Variants in PAFAH1B1 observed in about 807,000 individuals in gnomAD.
PAFAH1B1 encodes the protein platelet activating factor acetylhydrolase 1b regulatory subunit 1, also known as platelet-activating factor acetylhydrolase IB subunit beta.
Under a neutral mutation model 57.5 loss-of-function variants are expected in PAFAH1B1, and 2 were observed. That is an observed-to-expected ratio of 0.03 (90% confidence interval 0.01 to 0.11). The LOEUF (loss-of-function observed/expected upper bound fraction) is 0.11. Among genes scored for constraint, PAFAH1B1 ranks in the 10% least tolerant of loss-of-function variants. PAFAH1B1 has a pLI of 1.00. For missense variants in PAFAH1B1, 257 were observed against 512.0 expected, an observed-to-expected ratio of 0.50 and a Z score of 4.81; for synonymous variants, 152 against 169.6, an observed-to-expected ratio of 0.90 and a Z score of 0.81.
In PAFAH1B1 at chr17:2,611,799, A is replaced by G. The variant is rs556151367; in HGVS notation, c.-191+17793A>G. On this transcript the variant is annotated intron_variant, in intron 1 of 10. Coordinates refer to ENST00000397195, the MANE Select transcript of PAFAH1B1 (RefSeq NM_000430.4). Reference sequence around the variant, plus strand: ...TTACCATGAGTTTGGTCGGGACACAATGAACAGTGTGTCAAGGGTTGAGGC... The same window carrying G: ...TTACCATGAGTTTGGTCGGGACACAGTGAACAGTGTGTCAAGGGTTGAGGC... Among the ~76,000 whole-genome samples the G allele has an allele frequency of 6.4e-4, 97 of 152,292 alleles. 1 individual carries two copies. Among genetic ancestry groups the G allele is most frequent in the African/African-American group, 2.2e-3 (91 of 41,560 alleles).
rs1206410658 is a variant in PAFAH1B1 at position 2,682,508 on chromosome 17, T to C, written c.*706T>C. On this transcript the variant is annotated 3_prime_UTR_variant, in exon 11 of 11. Coordinates refer to ENST00000397195, the MANE Select transcript of PAFAH1B1 (RefSeq NM_000430.4). ...CTCATTTATTTCATTTTGGTCTTAA[T>C]GCTTTGTAAACAGGTCAAAAAATAC... 2 of 152,812 alleles carry C rather than the reference T, an allele frequency of 1.3e-5. No individual in the cohort carries two copies. The highest frequency in any genetic ancestry group is 2.1e-4 in the South Asian group (1 of 4,830). 9.5% of individuals were successfully genotyped at this position (152,812 alleles called of 1,614,324 possible).
chr17:2,633,080 T>C (rs148575347), intron 1 of PAFAH1B1, among the ~76,000 whole-genome samples: 67 of 152,310 alleles, frequency 4.4e-4, no homozygotes, highest in African/African-American at 1.5e-3. Flanking sequence ...TTTTTGTTGT[T>C]TCACTAGGCT....
rs562400012 is a variant in PAFAH1B1 at position 2,671,559 on chromosome 17, T to C, written c.569-1096T>C. Among the ~76,000 whole-genome samples the C allele has an allele frequency of 1.4e-4, 21 of 148,442 alleles. 1 individual carries two copies. In the South Asian group the frequency reaches 4.4e-3, roughly 31 times the overall value. ...CTAGCTGTAACTTTAAAAAGAGTTCTTTCTAATGCATTTTTTTTTTTTACC... is the reference window on the plus strand; with the variant it reads ...CTAGCTGTAACTTTAAAAAGAGTTCCTTCTAATGCATTTTTTTTTTTTACC... On this transcript the variant is annotated intron_variant, in intron 6 of 10. Transcript: ENST00000397195.
chr17:2,626,096 C>G (rs551074380), intron 1 of PAFAH1B1, among the ~76,000 whole-genome samples: 8 of 151,408 alleles, frequency 5.3e-5, no homozygotes, highest in Non-Finnish European at 8.8e-5. Flanking sequence ...ACTAAAAATA[C>G]AAAAAAATTT....
chr17:2,641,109 C>A (rs574742662), intron 2 of PAFAH1B1: 25 of 152,392 alleles, frequency 1.6e-4, no homozygotes, highest in African/African-American at 4.3e-4. Flanking sequence ...AAGGGACTTT[C>A]TTTTTCTTCT....
At chr17:2,654,599 T>C (rs984188688) in intron 2 of PAFAH1B1, among the ~76,000 whole-genome samples, 2 of 152,166 alleles carry the variant, frequency 1.3e-5, no homozygotes, top group Non-Finnish European at 2.9e-5. Flanking sequence ...AAAAAGGCCC[T>C]CTGAGTCTTC....
At chr17:2,603,442 G>A (rs1370085867) in intron 1 of PAFAH1B1, among the ~76,000 whole-genome samples, 1 of 152,160 alleles carries the variant, frequency 6.6e-6, no homozygotes, top group Non-Finnish European at 1.5e-5. Flanking sequence ...CTAACATGGT[G>A]AAACCCCGTC....
At chr17:2,670,554 A>G (rs930063299) in intron 6 of PAFAH1B1, among the ~76,000 whole-genome samples, 6 of 152,220 alleles carry the variant, frequency 3.9e-5, no homozygotes, top group Non-Finnish European at 8.8e-5. Flanking sequence ...AAATATTTGT[A>G]TGAGTATTTC....
At chr17:2,631,239 T>C (rs2068551378) in intron 1 of PAFAH1B1, among the ~76,000 whole-genome samples, 1 of 150,486 alleles carries the variant, frequency 6.6e-6, no homozygotes, top group South Asian at 2.1e-4. Context: ...AGATGCTCTG[T>C]CTCAAAAAAA....
intron 2 of PAFAH1B1, among the ~76,000 whole-genome samples, chr17:2,649,486 A>C (rs1050378093): frequency 2.0e-5 from 3 of 150,976 alleles, no homozygotes; most frequent in African/African-American, 7.3e-5. Flanking sequence ...AGGCAGGAGG[A>C]TCGCTTGAAC....
intron 1 of PAFAH1B1, among the ~76,000 whole-genome samples, chr17:2,605,897 A>G (rs974068543): frequency 6.6e-6 from 1 of 152,170 alleles, no homozygotes; most frequent in Admixed American, 6.5e-5. Flanking sequence ...AGATGAGGTG[A>G]CCTTTGCTTT....
At chr17:2,621,618 T>G (rs1194676690) in intron 1 of PAFAH1B1, among the ~76,000 whole-genome samples, 2 of 52,904 alleles carry the variant, frequency 3.8e-5, no homozygotes, top group South Asian at 7.2e-4. Context: ...TTTTTTTTTT[T>G]TTTTTTTTTT....
intron 9 of PAFAH1B1, among the ~76,000 whole-genome samples, chr17:2,679,229 C>G (rs144941167): frequency 1.1e-4 from 16 of 152,356 alleles, no homozygotes; most frequent in African/African-American, 3.6e-4. Context: ...CTACACTGAT[C>G]TACAGACAAT....
intron 1 of PAFAH1B1, among the ~76,000 whole-genome samples, chr17:2,635,869 G>A (rs927258239): frequency 6.7e-6 from 1 of 150,364 alleles, no homozygotes; most frequent in Non-Finnish European, 1.5e-5. Context: ...GGGAGGCCAA[G>A]CCAGGAGGAT....
At chr17:2,643,618 G>C (rs1387303938) in intron 2 of PAFAH1B1, among the ~76,000 whole-genome samples, 1 of 151,752 alleles carries the variant, frequency 6.6e-6, no homozygotes, top group Non-Finnish European at 1.5e-5. Context: ...GGAGTGCAGT[G>C]GGGTGATCTC....
chr17:2,679,924 C>T, intron 9 of PAFAH1B1: 2 of 517,516 alleles, frequency 3.9e-6, no homozygotes, highest in East Asian at 6.7e-5. Context: ...CTTGTTATTT[C>T]CATAATGCCC....
At chr17:2,631,243 A>G (rs1262056117) in intron 1 of PAFAH1B1, among the ~76,000 whole-genome samples, 2 of 145,738 alleles carry the variant, frequency 1.4e-5, no homozygotes, top group African/African-American at 2.5e-5. Flanking sequence ...GCTCTGTCTC[A>G]AAAAAAAAAA....
chr17:2,650,214 TA>T lies in PAFAH1B1; in HGVS notation c.32+11900del, dbSNP rs1217207903. The stretch of plus-strand genomic sequence containing the variant: ...ATTTTATCTTTACAAAAAATTGATT[TA>T]AAAAATAGTCTGGCAGCCAGGTGCA... On this transcript the variant is annotated intron_variant, in intron 2 of 10. Transcript: ENST00000397195. Among the ~76,000 whole-genome samples the T allele has an allele frequency of 2.6e-5, 4 of 152,020 alleles. No homozygotes were observed. In the East Asian group the frequency reaches 7.7e-4, roughly 29 times the overall value.
Position 2,670,345 on chromosome 17 carries a change from G to A in PAFAH1B1, c.568+14G>A. 6.2e-7 allele frequency: 1 copy of A among 1,607,318 alleles called. No individual in the cohort carries two copies. The highest frequency in any genetic ancestry group is 8.5e-7 in the Non-Finnish European group (1 of 1,173,842). On this transcript the variant is annotated intron_variant, in intron 6 of 10. Coordinates refer to ENST00000397195, the MANE Select transcript of PAFAH1B1 (RefSeq NM_000430.4). Reference sequence around the variant, plus strand: ...GAACCATGCACGGTAAGGGGTAGAGGATAGTGCTTTAACAGTAATTTCTAT... The same window carrying A: ...GAACCATGCACGGTAAGGGGTAGAGAATAGTGCTTTAACAGTAATTTCTAT...
Sources: gnomAD v4.1 joint callset for allele counts (sites outside exome capture counted in the v4.1 genomes callset) on GRCh38, gnomAD v4.1.1 for gene constraint, MANE v1.5 for transcripts, NCBI Gene and HGNC (gene_info 2026-07-23, HGNC 2026-07-21) for gene names.